Variants in CADM2 observed in about 807,000 individuals in gnomAD.
CADM2 encodes the protein immunoglobulin superfamily member 4D.
A neutral mutation model predicts 49.8 loss-of-function variants in CADM2; 12 were observed. That is an observed-to-expected ratio of 0.24 (90% CI 0.15 to 0.39). The LOEUF is 0.39. CADM2 is among the 10% of genes least tolerant of loss of function. The probability of loss-of-function intolerance (pLI) is 1.00; values close to 1 mark genes in which losing one functional copy is unlikely to be tolerated. For synonymous variants in CADM2, 214 were observed against 175.4 expected, an observed-to-expected ratio of 1.22 and a Z score of -1.74; for missense variants, 378 against 492.3, an observed-to-expected ratio of 0.77 and a Z score of 2.20.
At chr3:85,880,164 C>T (rs1419815959) in intron 3 of CADM2, among the ~76,000 whole-genome samples, 2 of 152,080 alleles carry the variant, frequency 1.3e-5, no homozygotes, top group African/African-American at 4.8e-5. Context: ...CTCTGGGTAT[C>T]GCAATTAACA....
chr3:85,252,553 A>T (rs1316802438), intron 1 of CADM2, among the ~76,000 whole-genome samples: 3 of 152,036 alleles, frequency 2.0e-5, no homozygotes, highest in Non-Finnish European at 2.9e-5. Flanking sequence ...TAACACCTGC[A>T]TGGTGCATAC....
intron 1 of CADM2, among the ~76,000 whole-genome samples, chr3:85,247,216 A>G (rs2042669291): frequency 6.6e-6 from 1 of 152,142 alleles, no homozygotes; most frequent in Non-Finnish European, 1.5e-5. Flanking sequence ...TGTAATTCAC[A>G]TTAACACAAA....
intron 1 of CADM2, among the ~76,000 whole-genome samples, chr3:85,365,198 AC>A (rs2032671440): frequency 2.1e-5 from 1 of 48,652 alleles, no homozygotes; most frequent in Non-Finnish European, 4.6e-5. Context: ...TTTTTTTTTT[AC>A]TTTTTTTTTT....
At chr3:85,214,891 C>G (rs2107778075) in intron 1 of CADM2, among the ~76,000 whole-genome samples, 1 of 152,186 alleles carries the variant, frequency 6.6e-6, no homozygotes, top group East Asian at 1.9e-4. Context: ...CTAGAAATGC[C>G]ATCCAGGAGT....
chr3:85,334,881 AT>A (rs1244726295), intron 1 of CADM2, among the ~76,000 whole-genome samples: 3 of 151,426 alleles, frequency 2.0e-5, no homozygotes, highest in African/African-American at 4.8e-5. Context: ...AGTGAAAAAA[AT>A]AATATGAAAC....
chr3:85,310,220 C>T (rs764043628), intron 1 of CADM2, among the ~76,000 whole-genome samples: 1 of 152,082 alleles, frequency 6.6e-6, no homozygotes, highest in Non-Finnish European at 1.5e-5. Flanking sequence ...TCACAATAGA[C>T]AATATTTGCA....
chr3:85,156,151 C>A (rs1219333855), intron 1 of CADM2, among the ~76,000 whole-genome samples: 4 of 151,188 alleles, frequency 2.6e-5, no homozygotes, highest in Non-Finnish European at 5.9e-5. Flanking sequence ...AATAGAGACA[C>A]AAAAAGCCCT....
intron 1 of CADM2, among the ~76,000 whole-genome samples, chr3:85,648,691 A>G (rs2064960672): frequency 6.6e-6 from 1 of 152,030 alleles, no homozygotes; most frequent in Non-Finnish European, 1.5e-5. Context: ...GAAGAAATCC[A>G]ATAATTACTG....
At chr3:85,938,269 A>G (rs1721425655) in intron 7 of CADM2, among the ~76,000 whole-genome samples, 1 of 152,118 alleles carries the variant, frequency 6.6e-6, no homozygotes, top group Non-Finnish European at 1.5e-5. Context: ...AAAACAAGAC[A>G]AGACTGAAAT....
At chr3:85,189,681 T>C (rs1043546128) in intron 1 of CADM2, among the ~76,000 whole-genome samples, 1 of 152,220 alleles carries the variant, frequency 6.6e-6, no homozygotes, top group East Asian at 1.9e-4. Context: ...TTAACTTTTC[T>C]TATTTGATAA....
intron 1 of CADM2, among the ~76,000 whole-genome samples, chr3:85,068,850 T>G (rs917531932): frequency 2.0e-5 from 3 of 152,106 alleles, no homozygotes; most frequent in Non-Finnish European, 4.4e-5. Context: ...AGATACTAAC[T>G]TAGTATACCA....
At chr3:85,225,721 G>C (rs894508387) in intron 1 of CADM2, among the ~76,000 whole-genome samples, 2 of 152,192 alleles carry the variant, frequency 1.3e-5, no homozygotes, top group African/African-American at 4.8e-5. Flanking sequence ...CATTCAGTAT[G>C]ATATTGGCTG....
chr3:85,996,459 C>A (rs1430138678), intron 8 of CADM2, among the ~76,000 whole-genome samples: 1 of 151,664 alleles, frequency 6.6e-6, no homozygotes, highest in Non-Finnish European at 1.5e-5. Flanking sequence ...TACCTAGTTG[C>A]AAAATTGGAA....
intron 8 of CADM2, among the ~76,000 whole-genome samples, chr3:86,039,833 C>G (rs911588884): frequency 1.3e-5 from 2 of 151,448 alleles, no homozygotes; most frequent in Admixed American, 6.6e-5. Context: ...AGGCACCCCC[C>G]AGTAGGGGCA....
intron 3 of CADM2, among the ~76,000 whole-genome samples, chr3:85,868,125 G>T (rs1577516067): frequency 2.0e-5 from 3 of 151,988 alleles, no homozygotes; most frequent in Non-Finnish European, 4.4e-5. Flanking sequence ...ATTCAGAAAA[G>T]CTCAAAGAAG....
intron 8 of CADM2, among the ~76,000 whole-genome samples, chr3:86,011,520 C>A (rs2106914402): frequency 6.6e-6 from 1 of 151,942 alleles, no homozygotes; most frequent in Non-Finnish European, 1.5e-5. Context: ...TTGCAATCTA[C>A]CTATTAAAAT....
intron 1 of CADM2, among the ~76,000 whole-genome samples, chr3:85,030,717 C>T (rs1414559454): frequency 6.6e-6 from 1 of 152,126 alleles, no homozygotes; most frequent in Admixed American, 6.5e-5. Context: ...ACAGCCCACA[C>T]CTTTCCCTCC....
intron 1 of CADM2, among the ~76,000 whole-genome samples, chr3:85,087,030 C>T (rs1397725692): frequency 6.6e-6 from 1 of 152,106 alleles, no homozygotes; most frequent in African/African-American, 2.4e-5. Flanking sequence ...AAGAAGAGTT[C>T]TGTGGCTTGT....
intron 1 of CADM2, among the ~76,000 whole-genome samples, chr3:84,976,999 G>A (rs898506356): frequency 2.6e-5 from 4 of 151,940 alleles, no homozygotes; most frequent in Non-Finnish European, 5.9e-5. Flanking sequence ...ACAACAGTAA[G>A]TAAGGGATTT....
Sources: allele counts gnomAD v4.1 joint callset (sites outside exome capture counted in the v4.1 genomes callset), GRCh38; gene constraint gnomAD v4.1.1; transcripts MANE v1.5; gene names NCBI Gene and HGNC (gene_info 2026-07-23, HGNC 2026-07-21).